Variants in TRPC6 observed in about 807,000 individuals in gnomAD.
TRPC6 encodes transient receptor potential cation channel subfamily C member 6, also known as short transient receptor potential channel 6.
In TRPC6, 55 loss-of-function variants were observed where a neutral mutation model predicts 90.7. The observed-to-expected ratio is 0.61, with a 90% CI of 0.49 to 0.76. TRPC6 has a LOEUF of 0.76. Ranked by LOEUF, TRPC6 falls within the 30% of genes least tolerant of loss-of-function variation. TRPC6 has a pLI of 0.00. For synonymous variants in TRPC6, 393 were observed against 393.0 expected, an observed-to-expected ratio of 1.00 and a Z score of 0.00; for missense variants, 989 against 1,122.7, an observed-to-expected ratio of 0.88 and a Z score of 1.70.
chr11:101,527,897 C>T (rs1250888921), intron 1 of TRPC6, among the ~76,000 whole-genome samples: 1 of 152,000 alleles, frequency 6.6e-6, no homozygotes, highest in Non-Finnish European at 1.5e-5. Context: ...CATGGTGTAA[C>T]CCTGTCTCTA....
chr11:101,509,186 C>A (rs1327711394), intron 1 of TRPC6, among the ~76,000 whole-genome samples: 1 of 151,324 alleles, frequency 6.6e-6, no homozygotes, highest in Non-Finnish European at 1.5e-5. Context: ...ATAGCCGCAA[C>A]CTCCCAGACT....
chr11:101,539,743 T>G (rs944248533), intron 1 of TRPC6, among the ~76,000 whole-genome samples: 2 of 152,212 alleles, frequency 1.3e-5, no homozygotes, highest in African/African-American at 4.8e-5. Context: ...CATATTTCAA[T>G]CTTCTAATGG....
At chr11:101,522,133 A>G (rs931255096) in intron 1 of TRPC6, among the ~76,000 whole-genome samples, 1 of 152,158 alleles carries the variant, frequency 6.6e-6, no homozygotes, top group African/African-American at 2.4e-5. Context: ...GGGGCAGAAT[A>G]ATATGGTTTG....
intron 1 of TRPC6, among the ~76,000 whole-genome samples, chr11:101,575,932 G>A (rs1474987286): frequency 6.6e-6 from 1 of 152,130 alleles, no homozygotes; most frequent in South Asian, 2.1e-4. Context: ...GAATGGGGGT[G>A]AGTGCGCTTT....
At chr11:101,557,515 T>C (rs932050294) in intron 1 of TRPC6, among the ~76,000 whole-genome samples, 1 of 152,076 alleles carries the variant, frequency 6.6e-6, no homozygotes, top group African/African-American at 2.4e-5. Flanking sequence ...CCAGAGCAAT[T>C]AGGCAAGAGA....
Position 101,533,307 on chromosome 11 carries a change from G to A in TRPC6, c.171-28509C>T, listed in dbSNP as rs144485666. On this transcript the variant is annotated intron_variant, in intron 1 of 12. Transcript: ENST00000344327. ...GCCTCACGAGGCTTCCAATCATGGT[G>A]GAAGGCAAAGCGGAAACAGGCACAT... 2.5e-3 allele frequency among the ~76,000 whole-genome samples: 385 copies of A among 152,258 alleles called. 2 individuals are homozygous for A. Among genetic ancestry groups the A allele is most frequent in the African/African-American group, 8.7e-3 (362 of 41,546 alleles).
intron 1 of TRPC6, among the ~76,000 whole-genome samples, chr11:101,516,017 G>C (rs541031908): frequency 1.3e-5 from 2 of 151,074 alleles, no homozygotes; most frequent in South Asian, 4.2e-4. Flanking sequence ...ATGAGGAAAT[G>C]TTTGGAGATC....
At chr11:101,458,317 G>A (rs1288791844) in intron 10 of TRPC6, among the ~76,000 whole-genome samples, 1 of 152,172 alleles carries the variant, frequency 6.6e-6, no homozygotes, top group African/African-American at 2.4e-5. Flanking sequence ...CCATGACTAA[G>A]TCCTTCAGGG....
In TRPC6 at chr11:101,530,002, G is replaced by A. The variant is rs182101787; in HGVS notation, c.171-25204C>T. Among the ~76,000 whole-genome samples, 329 of 152,262 alleles carry A rather than the reference G, an allele frequency of 2.2e-3. 1 individual carries two copies. The highest frequency in any genetic ancestry group is 0.01 in the Middle Eastern group (3 of 294). ...GCCACCAGAACCATCCTCCAAGGAGGAGTCATGCTCACCCATGCCTAAAGT... is the reference window on the plus strand; with the variant it reads ...GCCACCAGAACCATCCTCCAAGGAGAAGTCATGCTCACCCATGCCTAAAGT... On this transcript the variant is annotated intron_variant, in intron 1 of 12. Transcript: ENST00000344327.
At chr11:101,470,507 C>T (rs1365583530) in intron 9 of TRPC6, among the ~76,000 whole-genome samples, 5 of 152,152 alleles carry the variant, frequency 3.3e-5, no homozygotes, top group African/African-American at 1.2e-4. Context: ...AAATGCTCAG[C>T]AGAGATCTTT....
At chr11:101,461,606 G>A (rs1387440245) in intron 10 of TRPC6, among the ~76,000 whole-genome samples, 2 of 152,150 alleles carry the variant, frequency 1.3e-5, no homozygotes, top group African/African-American at 4.8e-5. Flanking sequence ...GTTTTGAGTT[G>A]AATACCTTTT....
chr11:101,573,247 A>AT (rs775099920), intron 1 of TRPC6, among the ~76,000 whole-genome samples: 27 of 152,212 alleles, frequency 1.8e-4, no homozygotes, highest in East Asian at 9.7e-4. Context: ...GATGCGAGTC[A>AT]TTTTTTTACA....
chr11:101,553,465 G>T (rs12807277), intron 1 of TRPC6, among the ~76,000 whole-genome samples: 15,628 of 151,920 alleles, frequency 0.1, 913 homozygotes, highest in Middle Eastern at 0.14. Context: ...AATATCTCCC[G>T]GCCTATTAAC....
At position 101,504,428 on chromosome 11, in the gene TRPC6, G is replaced by T; in HGVS notation, c.541C>A (p.Leu181Ile). The T allele has an allele frequency of 6.2e-7, 1 of 1,614,108 alleles. No homozygotes were observed. The highest frequency in any genetic ancestry group is 8.5e-7 in the Non-Finnish European group (1 of 1,179,996). ...KGYVRIVEAI[L>I]SHPAFAEGKR... Reference sequence around the variant, plus strand: ...CCTTCAGCAAAAGCCGGATGACTGAGAATTGCTTCCACAATCCGAACATAA... The same window carrying T: ...CCTTCAGCAAAAGCCGGATGACTGATAATTGCTTCCACAATCCGAACATAA... The change falls in exon 2 of 13, where the codon CTC (leucine) becomes ATC (isoleucine). Residue 181 changes from leucine to isoleucine, a missense_variant. By Grantham distance (5) the Leu-to-Ile change is conservative. Transcript: ENST00000344327.
At chr11:101,554,866 C>G (rs1156896636) in intron 1 of TRPC6, among the ~76,000 whole-genome samples, 1 of 152,152 alleles carries the variant, frequency 6.6e-6, no homozygotes, top group Non-Finnish European at 1.5e-5. Flanking sequence ...TGTCCTCCCA[C>G]TGGGTGTAGG....
At chr11:101,562,214 A>C (rs1861730157) in intron 1 of TRPC6, among the ~76,000 whole-genome samples, 1 of 152,182 alleles carries the variant, frequency 6.6e-6, no homozygotes, top group Non-Finnish European at 1.5e-5. Context: ...GACATAATTG[A>C]CTTAAAAATA....
At chr11:101,555,515 C>A (rs1861543750) in intron 1 of TRPC6, among the ~76,000 whole-genome samples, 1 of 152,176 alleles carries the variant, frequency 6.6e-6, no homozygotes, top group Admixed American at 6.6e-5. Context: ...TTTTCCGCAT[C>A]CTGGTATGAA....
intron 1 of TRPC6, among the ~76,000 whole-genome samples, chr11:101,552,120 A>T (rs1429269297): frequency 2.0e-5 from 3 of 152,072 alleles, no homozygotes; most frequent in Non-Finnish European, 4.4e-5. Flanking sequence ...GACCCTTCAC[A>T]GTTCTTTACA....
rs757404318 is a variant in TRPC6, at chr11:101,548,476, A to ATCTCTC, written c.170+34852_170+34857dup. On this transcript the variant is annotated intron_variant, in intron 1 of 12. Coordinates refer to ENST00000344327, the MANE Select transcript of TRPC6 (RefSeq NM_004621.6). ...TATACTGATATATATATATATATAT[A>ATCTCTC]TCTCTCTCTCTCTCTCTGTCTCTCA... Among the ~76,000 whole-genome samples, 28 of 112,134 alleles carry ATCTCTC rather than the reference A, an allele frequency of 2.5e-4. 1 individual carries two copies. The highest frequency in any genetic ancestry group is 9.1e-4 in the Admixed American group (9 of 9,880). The allele number at this position is 112,134 out of a possible 152,430, so 73.6% of individuals were successfully genotyped here.
Sources: allele counts gnomAD v4.1 joint callset (sites outside exome capture counted in the v4.1 genomes callset), GRCh38; gene constraint gnomAD v4.1.1; transcripts MANE v1.5; gene names NCBI Gene and HGNC (gene_info 2026-07-23, HGNC 2026-07-21).